Variants in ETV1 observed in about 807,000 individuals in gnomAD.
ETV1 encodes the protein ETS variant transcription factor 1, also known as ETS translocation variant 1.
Under a neutral mutation model 62.3 loss-of-function variants are expected in ETV1, and 27 were observed. The observed-to-expected ratio is 0.43, with a 90% CI of 0.32 to 0.60. The LOEUF (loss-of-function observed/expected upper bound fraction) is 0.60, where lower values mean the gene tolerates loss of function less well. ETV1 is among the 20% of genes least tolerant of loss of function. The probability of loss-of-function intolerance (pLI) is 0.06; values close to 1 mark genes in which losing one functional copy is unlikely to be tolerated. For synonymous variants in ETV1, 222 were observed against 199.6 expected (o/e 1.11, Z -0.94); for missense variants, 605 against 605.8 (o/e 1.00, Z 0.01).
chr7:13,959,509 A>G (rs561826945), intron 6 of ETV1, among the ~76,000 whole-genome samples: 3 of 152,314 alleles, frequency 2.0e-5, no homozygotes, highest in African/African-American at 2.4e-5. Flanking sequence ...GTACCTATCT[A>G]TCTTTATCCT....
chr7:13,988,620 G>GA (rs11460974), intron 3 of ETV1: 633,662 of 1,087,524 alleles, frequency 0.58, 142,625 homozygotes, highest in African/African-American at 0.79. Flanking sequence ...GAGAAAATGA[G>GA]AAAAAAAAAA....
Position 13,892,856 on chromosome 7 carries a change from A to G in ETV1, c.*3010T>C. The stretch of plus-strand genomic sequence containing the variant: ...ATCTCCCCTGGAGCCTCCAGAAGGA[A>G]CCAGACCTAAGGACATCTTGGTTTT... On this transcript the variant is annotated 3_prime_UTR_variant, in exon 14 of 14. Coordinates refer to ENST00000430479, the MANE Select transcript of ETV1 (RefSeq NM_004956.5). The G allele has an allele frequency of 4.3e-6, 1 of 232,208 alleles. No individual in the cohort carries two copies. Among genetic ancestry groups the G allele is most frequent in the Non-Finnish European group, 8.5e-6 (1 of 117,382 alleles). 14.4% of individuals were successfully genotyped at this position (232,208 alleles called of 1,614,324 possible). A position where few individuals can be genotyped will look rare whatever the true frequency, so the allele number is the denominator to read the frequency against.
At chr7:13,944,553 C>T (rs1353676687) in intron 6 of ETV1, among the ~76,000 whole-genome samples, 5 of 149,572 alleles carry the variant, frequency 3.3e-5, no homozygotes, top group South Asian at 4.3e-4. Flanking sequence ...TTTGCTGGGG[C>T]GGGGGTGGTG....
At chr7:13,948,074 T>A (rs1455253978) in intron 6 of ETV1, among the ~76,000 whole-genome samples, 2 of 152,252 alleles carry the variant, frequency 1.3e-5, no homozygotes, top group African/African-American at 4.8e-5. Flanking sequence ...TTAGGCAATC[T>A]GCCTTCTTTC....
At chr7:13,983,987 T>C (rs6945520) in intron 5 of ETV1, among the ~76,000 whole-genome samples, 3,568 of 151,956 alleles carry the variant, frequency 0.023, 147 homozygotes, top group African/African-American at 0.082. Flanking sequence ...TATGTTGCAT[T>C]TGGGGTAAAA....
In ETV1 at chr7:13,904,643, C is replaced by T. The variant is rs534236291; in HGVS notation, c.1110+1787G>A. On this transcript the variant is annotated intron_variant, in intron 12 of 13. Transcript: ENST00000430479. ...CAACAACAAAAACCTCTGCTCAGTT[C>T]ATTTTAATCACAGGTGAAGGGAAAT... 1.7e-4 allele frequency among the ~76,000 whole-genome samples: 26 copies of T among 152,196 alleles called. No homozygotes were observed. The East Asian group carries it at 4.4e-3, about 26-fold the overall frequency.
intron 11 of ETV1, 27 bp downstream of exon 11, chr7:13,909,605 G>C: frequency 1.3e-6 from 2 of 1,579,162 alleles, no homozygotes; most frequent in South Asian, 2.2e-5. Flanking sequence ...AAAAAAATCA[G>C]AACTTGAGGC....
intron 9 of ETV1, among the ~76,000 whole-genome samples, chr7:13,927,243 G>A (rs184983599): frequency 2.0e-3 from 297 of 152,222 alleles, no homozygotes; most frequent in Non-Finnish European, 2.9e-3. Flanking sequence ...GAGGTCAGGC[G>A]TTTGAGACCA....
intron 5 of ETV1, among the ~76,000 whole-genome samples, chr7:13,984,203 A>G (rs1782296011): frequency 6.6e-6 from 1 of 151,990 alleles, no homozygotes; most frequent in South Asian, 2.1e-4. Context: ...ATTAACTGCC[A>G]ATGATCTTTT....
At chr7:13,929,377 T>C (rs1401142502) in intron 9 of ETV1, among the ~76,000 whole-genome samples, 1 of 152,188 alleles carries the variant, frequency 6.6e-6, no homozygotes, top group Non-Finnish European at 1.5e-5. Context: ...AACTGATAAA[T>C]AAGGTGTCTT....
At chr7:13,988,934 T>A in intron 3 of ETV1, 74 bp downstream of exon 3, 9 of 984,842 alleles carry the variant, frequency 9.1e-6, no homozygotes, top group Non-Finnish European at 1.3e-5. Flanking sequence ...GCCCCCTCCC[T>A]TCTCATTTTC....
intron 5 of ETV1, among the ~76,000 whole-genome samples, chr7:13,985,097 A>G (rs1782417911): frequency 6.6e-6 from 1 of 152,060 alleles, no homozygotes; most frequent in South Asian, 2.1e-4. Flanking sequence ...ACCTTCCAGA[A>G]CAATTAAAAT....
intron 5 of ETV1, among the ~76,000 whole-genome samples, chr7:13,985,065 T>G (rs191052695): frequency 6.6e-6 from 1 of 152,100 alleles, no homozygotes; most frequent in Admixed American, 6.5e-5. Context: ...TCAATGAGAT[T>G]TAAACATCTA....
In ETV1 at chr7:13,895,798, C is replaced by G; in HGVS notation, c.*68G>C. On this transcript the variant is annotated 3_prime_UTR_variant, in exon 14 of 14. Coordinates refer to ENST00000430479, the MANE Select transcript of ETV1 (RefSeq NM_004956.5). ...AAACAACAGAAATAAAACAAAGATT[C>G]AGCAATTCTCTGTATCTTGCAGAAA... The G allele has an allele frequency of 1.0e-6, 1 of 985,602 alleles. No individual in the cohort carries two copies. The highest frequency in any genetic ancestry group is 1.6e-6 in the Non-Finnish European group (1 of 644,414). The allele number at this position is 985,602 out of a possible 1,614,324, so 61.1% of individuals were successfully genotyped here.
rs1332198422 is a variant in ETV1, at chr7:13,892,568, A to G, written c.*3298T>C. The G allele has an allele frequency of 9.0e-5, 21 of 232,472 alleles. No individual in the cohort carries two copies. In the Admixed American group the frequency reaches 1.2e-3, roughly 13 times the overall value. The allele number at this position is 232,472 out of a possible 1,614,324, so 14.4% of individuals were successfully genotyped here. ...TAACAGCCCTGCCCTCACCCCTTAC[A>G]TCCATGTCCTAATCCCTGGGACCTA... On this transcript the variant is annotated 3_prime_UTR_variant, in exon 14 of 14. Coordinates refer to ENST00000430479, the MANE Select transcript of ETV1 (RefSeq NM_004956.5).
At chr7:13,947,785 C>A (rs1788346312) in intron 6 of ETV1, among the ~76,000 whole-genome samples, 1 of 152,058 alleles carries the variant, frequency 6.6e-6, no homozygotes, top group African/African-American at 2.4e-5. Context: ...CTACCATGCC[C>A]CAGACACTAC....
At chr7:13,911,213 C>G in intron 10 of ETV1, 26 bp downstream of exon 10, 1 of 1,552,982 alleles carries the variant, frequency 6.4e-7, no homozygotes, top group Non-Finnish European at 8.9e-7. Flanking sequence ...GGTATTTACA[C>G]GGAATTTCAG....
intron 6 of ETV1, among the ~76,000 whole-genome samples, chr7:13,957,689 G>A (rs1789644881): frequency 6.6e-6 from 1 of 152,144 alleles, no homozygotes; most frequent in African/African-American, 2.4e-5. Flanking sequence ...CAGGTGTAAG[G>A]TGTATCAAAT....
chr7:13,921,724 T>C (rs1258458349), intron 9 of ETV1, among the ~76,000 whole-genome samples: 2 of 152,152 alleles, frequency 1.3e-5, no homozygotes, highest in Non-Finnish European at 2.9e-5. Context: ...ACAGAATAAA[T>C]AAATTTATGG....
Sources: gnomAD v4.1 joint callset for allele counts (sites outside exome capture counted in the v4.1 genomes callset) on GRCh38, gnomAD v4.1.1 for gene constraint, MANE v1.5 for transcripts, NCBI Gene and HGNC (gene_info 2026-07-23, HGNC 2026-07-21) for gene names.